MAPK9: variants seen among roughly 807,000 people sequenced by gnomAD.
The protein encoded by MAPK9 is Jun kinase.
MAPK9 carries 30 observed loss-of-function variants against 57.1 expected under a neutral mutation model. The observed-to-expected ratio is 0.53, with a 90% confidence interval of 0.39 to 0.71. The LOEUF is 0.71. Ranked by LOEUF, MAPK9 falls within the 30% of genes least tolerant of loss-of-function variation. The pLI, the probability that MAPK9 is intolerant of heterozygous loss-of-function variation, is 0.00. For missense variants in MAPK9, 362 were observed against 521.0 expected (o/e 0.69, Z 2.97); for synonymous variants, 155 against 177.0 (o/e 0.88, Z 0.99).
At chr5:180,291,045 G>T (rs1281924695) in intron 1 of MAPK9, among the ~76,000 whole-genome samples, 1 of 152,196 alleles carries the variant, frequency 6.6e-6, no homozygotes, top group African/African-American at 2.4e-5. Flanking sequence ...CACCCAAAAC[G>T]AGACATCTGA....
At chr5:180,278,828 T>C (rs1307888684) in intron 2 of MAPK9, among the ~76,000 whole-genome samples, 1 of 151,536 alleles carries the variant, frequency 6.6e-6, no homozygotes, top group Non-Finnish European at 1.5e-5. Flanking sequence ...ACACATCAAA[T>C]TATCTGTCAA....
At chr5:180,240,933 C>G (rs6895740) in intron 9 of MAPK9, 98 bp downstream of exon 9, 459,569 of 1,346,606 alleles carry the variant, frequency 0.34, 80,427 homozygotes, top group African/African-American at 0.38. Context: ...AAATGGAGAA[C>G]TTGCTACCCA....
In MAPK9 at chr5:180,247,552, AC is replaced by A. The variant is rs770307182; in HGVS notation, c.617-43del. ...ATGATAAAATTATGAAGTGCCATGA[AC>A]AAAACAAAAGTGAGGAAAAGGAATT... is the stretch of plus-strand genomic sequence containing the variant. On this transcript the variant is annotated intron_variant, in intron 6 of 11. Coordinates refer to ENST00000452135, the MANE Select transcript of MAPK9 (RefSeq NM_002752.5). This position sits in a 1 kb window ranked among gnomAD's most constrained non-coding sequence, Gnocchi z 4.5. 1.9e-6 allele frequency: 3 copies of A among 1,553,640 alleles called. No individual in the cohort carries two copies. In the Admixed American group the frequency reaches 5.1e-5, roughly 26 times the overall value.
intron 1 of MAPK9, among the ~76,000 whole-genome samples, chr5:180,281,253 G>A (rs1006039028): frequency 2.0e-5 from 3 of 152,210 alleles, no homozygotes; most frequent in Non-Finnish European, 2.9e-5. Context: ...GGACTTCAGG[G>A]TAGAGATCTG....
intron 5 of MAPK9, among the ~76,000 whole-genome samples, chr5:180,260,462 C>A (rs1049717431): frequency 6.6e-5 from 10 of 152,060 alleles, no homozygotes; most frequent in Non-Finnish European, 2.9e-5. Flanking sequence ...TCAAAACATG[C>A]ACATGAATGA....
intron 1 of MAPK9, among the ~76,000 whole-genome samples, chr5:180,286,422 G>A (rs1439540714): frequency 6.6e-6 from 1 of 151,586 alleles, no homozygotes; most frequent in African/African-American, 2.4e-5. Flanking sequence ...GGGATTACAG[G>A]CGTGAGCCAC....
At position 180,247,397 on chromosome 5, in the gene MAPK9, A is replaced by G. The variant is rs1758221544; in HGVS notation, c.688+42T>C. ...AGCAGGTGGTCATGCTGCCTGAGGC[A>G]TTAAGAAAGCATGGCGGGGCCAAGG... On this transcript the variant is annotated intron_variant, in intron 7 of 11. Coordinates refer to ENST00000452135, the MANE Select transcript of MAPK9 (RefSeq NM_002752.5). The surrounding 1 kb of genome is among the most constrained non-coding windows in gnomAD (Gnocchi z 4.5). The G allele has an allele frequency of 6.2e-7, 1 of 1,613,912 alleles. No homozygotes were observed. The highest frequency in any genetic ancestry group is 1.3e-5 in the African/African-American group (1 of 75,062).
Position 180,236,308 on chromosome 5 carries a change from C to G in MAPK9, c.*76G>C. On this transcript the variant is annotated 3_prime_UTR_variant, in exon 12 of 12. Transcript: ENST00000452135. ...AACATGGAGTTTTTCTATTTGGTTCCATCAACTCCCAAGCATTTCAGGCCC... is the reference window on the plus strand; with the variant it reads ...AACATGGAGTTTTTCTATTTGGTTCGATCAACTCCCAAGCATTTCAGGCCC... The G allele has an allele frequency of 6.8e-7, 1 of 1,465,268 alleles. No homozygotes were observed. The highest frequency in any genetic ancestry group is 1.4e-5 in the South Asian group (1 of 70,792). 90.8% of individuals were successfully genotyped at this position (1,465,268 alleles called of 1,614,324 possible).
At chr5:180,269,573 AAGACTACAGC>A (rs1302831578) in intron 2 of MAPK9, among the ~76,000 whole-genome samples, 164 bp from the exon 3 acceptor site, 1 of 152,246 alleles carries the variant, frequency 6.6e-6, no homozygotes, top group Non-Finnish European at 1.5e-5. Flanking sequence ...TGAGTTGTCT[AAGACTACAGC>A]ATGTACTAAC....
chr5:180,283,682 T>C (rs1762498488), intron 1 of MAPK9, among the ~76,000 whole-genome samples: 1 of 152,252 alleles, frequency 6.6e-6, no homozygotes, highest in Non-Finnish European at 1.5e-5. Flanking sequence ...ACACCTGTAA[T>C]CCCAGCACTT....
At position 180,247,471 on chromosome 5, in the gene MAPK9, A is replaced by C; in HGVS notation, c.656T>G (p.Val219Gly). The C allele has an allele frequency of 6.2e-7, 1 of 1,614,236 alleles. No homozygotes were observed. Among genetic ancestry groups the C allele is most frequent in the South Asian group, 1.1e-5 (1 of 91,088 alleles). Residue 219 changes from valine (V) to glycine (G), a missense_variant, in exon 7 of 12, where the codon GTG becomes GGG. Around this residue, in one of 3 missense-constraint regions of MAPK9, gnomAD observed 199 missense variants for 251.3 expected, o/e 0.79. Transcript: ENST00000452135. The surrounding 1 kb of genome is among the most constrained non-coding windows in gnomAD (Gnocchi z 4.5). ...WSVGCIMGEL[V>G]KGCVIFQGTD... ...GCCTTGGAATATCACACAACCTTTC[A>C]CCAGCTCTCCCATGATGCAACCCAC... is the stretch of plus-strand genomic sequence containing the variant.
At chr5:180,266,033 A>C (rs1760507735) in intron 3 of MAPK9, among the ~76,000 whole-genome samples, 1 of 152,046 alleles carries the variant, frequency 6.6e-6, no homozygotes, top group South Asian at 2.1e-4. Flanking sequence ...AAAAATCAGT[A>C]TGTCAACAAC....
chr5:180,277,289 G>C (rs1490496105), intron 2 of MAPK9, among the ~76,000 whole-genome samples: 1 of 152,224 alleles, frequency 6.6e-6, no homozygotes, highest in African/African-American at 2.4e-5. Flanking sequence ...TGCCTCAAGA[G>C]GTAAGCAGGG....
chr5:180,252,976 T>C (rs1340878658), intron 5 of MAPK9, among the ~76,000 whole-genome samples: 1 of 152,148 alleles, frequency 6.6e-6, no homozygotes, highest in Non-Finnish European at 1.5e-5. Flanking sequence ...GAAGTAGAGC[T>C]GAGGGGGCCA....
chr5:180,278,786 CT>C (rs925451544), intron 2 of MAPK9, among the ~76,000 whole-genome samples: 17 of 103,908 alleles, frequency 1.6e-4, no homozygotes, highest in African/African-American at 2.4e-4. Context: ...TTCTTGCCCC[CT>C]CTCTCCTTTT....
rs776439656 is a variant in MAPK9 at position 180,239,939 on chromosome 5, T to C, written c.1045A>G (p.Ile349Val). ...CCATCTTTACCTTTCCATTCTTCAATTGCATGTTCTCTTTCTTCCAACTGG... is the reference window on the plus strand; with the variant it reads ...CCATCTTTACCTTTCCATTCTTCAACTGCATGTTCTCTTTCTTCCAACTGG... ...DAQLEEREHA[I>V]EEWKELIYKE... Residue 349 changes from isoleucine (I) to valine (V), a missense_variant, in exon 10 of 12, where the codon ATT becomes GTT. Coordinates refer to ENST00000452135, the MANE Select transcript of MAPK9 (RefSeq NM_002752.5). 5 of 1,613,598 alleles carry C rather than the reference T, an allele frequency of 3.1e-6. No homozygotes were observed. The highest frequency in any genetic ancestry group is 1.3e-5 in the African/African-American group (1 of 74,934).
At position 180,247,842 on chromosome 5, in the gene MAPK9, C is replaced by A; in HGVS notation, c.617-332G>T. 6.2e-7 allele frequency: 1 copy of A among 1,613,970 alleles called. No individual in the cohort carries two copies. Among genetic ancestry groups the A allele is most frequent in the Non-Finnish European group, 8.5e-7 (1 of 1,179,910 alleles). On this transcript the variant is annotated intron_variant, in intron 6 of 11. Coordinates refer to ENST00000452135, the MANE Select transcript of MAPK9 (RefSeq NM_002752.5). The surrounding 1 kb of genome is among the most constrained non-coding windows in gnomAD (Gnocchi z 4.5). Reference sequence around the variant, plus strand: ...CCTCCATGGCCAAGTACCGGGTCCCCTGTGAAGGATACAGTCTCTTCCCGG... The same window carrying A: ...CCTCCATGGCCAAGTACCGGGTCCCATGTGAAGGATACAGTCTCTTCCCGG...
chr5:180,284,613 T>C (rs531436570), intron 1 of MAPK9, among the ~76,000 whole-genome samples: 4 of 152,364 alleles, frequency 2.6e-5, no homozygotes, highest in Non-Finnish European at 4.4e-5. Flanking sequence ...GTTAACTGCA[T>C]ATCCTAAACT....
rs17627695 is a variant in MAPK9 at position 180,260,257 on chromosome 5, A to G, written c.450+1427T>C. Reference sequence around the variant, plus strand: ...CCTTTGTTTCTCTCCGGCACATTGAAAGACATGATGTATGCAAACTGGAGA... The same window carrying G: ...CCTTTGTTTCTCTCCGGCACATTGAGAGACATGATGTATGCAAACTGGAGA... On this transcript the variant is annotated intron_variant, in intron 5 of 11. Transcript: ENST00000452135. Among the ~76,000 whole-genome samples the G allele has an allele frequency of 8.4e-3, 1,285 of 152,354 alleles. 15 individuals are homozygous for G. Among genetic ancestry groups the G allele is most frequent in the Admixed American group, 0.024 (370 of 15,304 alleles).
Sources: gnomAD v4.1 joint callset for allele counts (sites outside exome capture counted in the v4.1 genomes callset) on GRCh38, gnomAD v4.1.1 for gene constraint, gnomAD v4.1.1 regional missense constraint, Gnocchi (gnomAD v3.1) non-coding constraint, MANE v1.5 for transcripts, NCBI Gene and HGNC (gene_info 2026-07-23, HGNC 2026-07-21) for gene names.